Variants in PTPRN2 observed in about 807,000 individuals in gnomAD.
PTPRN2 encodes receptor-type tyrosine-protein phosphatase N2.
Under a neutral mutation model 118.8 loss-of-function variants are expected in PTPRN2, and 74 were observed. The ratio of observed to expected loss-of-function variants is 0.62; its 90% CI spans 0.52 to 0.76. The LOEUF (loss-of-function observed/expected upper bound fraction) is 0.76. Among genes scored for constraint, PTPRN2 ranks in the 30% least tolerant of loss-of-function variants. The pLI, the probability that PTPRN2 is intolerant of heterozygous loss-of-function variation, is 0.00. For synonymous variants in PTPRN2, 641 were observed against 608.0 expected, an observed-to-expected ratio of 1.05 and a Z score of -0.80; for missense variants, 1,481 against 1,394.4, an observed-to-expected ratio of 1.06 and a Z score of -0.99.
At chr7:158,162,390 GT>G (rs1227262202) in intron 6 of PTPRN2, among the ~76,000 whole-genome samples, 1 of 152,184 alleles carries the variant, frequency 6.6e-6, no homozygotes, top group African/African-American at 2.4e-5. Flanking sequence ...ACAATGGAGT[GT>G]TATGGATTAT....
rs369612652 is a variant in PTPRN2, at chr7:157,710,040, C to T, written c.1789-27103G>A. Among the ~76,000 whole-genome samples, 14 of 152,210 alleles carry T rather than the reference C, an allele frequency of 9.2e-5. No individual in the cohort carries two copies. In the East Asian group the frequency reaches 1.5e-3, roughly 17 times the overall value. The stretch of plus-strand genomic sequence containing the variant: ...CCCAGGTGGCTCTGTGGGGGTCGGA[C>T]GCATGGGTGTGTCCCCACCACCCAC... On this transcript the variant is annotated intron_variant, in intron 12 of 22. Transcript: ENST00000389418.
chr7:158,454,598 A>C (rs1274305275), intron 2 of PTPRN2, among the ~76,000 whole-genome samples: 2 of 151,896 alleles, frequency 1.3e-5, no homozygotes, highest in Non-Finnish European at 2.9e-5. Flanking sequence ...TACAGAGGAC[A>C]GACAAGACAC....
intron 2 of PTPRN2, among the ~76,000 whole-genome samples, chr7:158,327,528 CAT>C (rs1006701782): frequency 9.2e-5 from 14 of 151,952 alleles, no homozygotes; most frequent in Non-Finnish European, 1.5e-4. Flanking sequence ...TTCTCACACA[CAT>C]GCACATGTAC....
At position 158,352,318 on chromosome 7, in the gene PTPRN2, G is replaced by C. The variant is rs1170695138; in HGVS notation, c.164-35386C>G. 1.6e-4 allele frequency among the ~76,000 whole-genome samples: 17 copies of C among 106,624 alleles called. 1 individual carries two copies. Among genetic ancestry groups the C allele is most frequent in the Non-Finnish European group, 2.5e-4 (13 of 51,662 alleles). The allele number at this position is 106,624 out of a possible 152,430, so 69.9% of individuals were successfully genotyped here. ...TCCCCTCTTGACTGCTCCCCTCCCTGCCAGCTACCCTCCTGACCGCTCCCC... is the reference window on the plus strand; with the variant it reads ...TCCCCTCTTGACTGCTCCCCTCCCTCCCAGCTACCCTCCTGACCGCTCCCC... On this transcript the variant is annotated intron_variant, in intron 2 of 22. Coordinates refer to ENST00000389418, the MANE Select transcript of PTPRN2 (RefSeq NM_002847.5).
rs542154675 is a variant in PTPRN2 at position 158,093,081 on chromosome 7, C to T, written c.1644-11704G>A. 1.3e-5 allele frequency among the ~76,000 whole-genome samples: 2 copies of T among 152,338 alleles called. No homozygotes were observed. Among genetic ancestry groups the T allele is most frequent in the East Asian group, 1.9e-4 (1 of 5,190 alleles). ...GGCGTTCTTGGCTGAGAGCCTTCTG[C>T]GAGGCACGAGTATAAGTGTGAGACC... On this transcript the variant is annotated intron_variant, in intron 10 of 22. Coordinates refer to ENST00000389418, the MANE Select transcript of PTPRN2 (RefSeq NM_002847.5). The surrounding 1 kb of genome is among the most constrained non-coding windows in gnomAD (Gnocchi z 4.4).
chr7:157,960,561 A>C (rs761735988), intron 11 of PTPRN2, among the ~76,000 whole-genome samples: 1 of 152,260 alleles, frequency 6.6e-6, no homozygotes, highest in African/African-American at 2.4e-5. Flanking sequence ...TAAACATTAG[A>C]TATAGAAATA....
At chr7:157,789,285 C>T (rs940703406) in intron 12 of PTPRN2, among the ~76,000 whole-genome samples, 2 of 152,336 alleles carry the variant, frequency 1.3e-5, no homozygotes, top group South Asian at 2.1e-4. Flanking sequence ...AGAAGCTCCC[C>T]GCCCGGTGCC....
At chr7:157,970,636 A>ACC (rs10624378) in intron 11 of PTPRN2, among the ~76,000 whole-genome samples, 45,923 of 110,364 alleles carry the variant, frequency 0.42, 10,516 homozygotes, top group South Asian at 0.46. Flanking sequence ...CTCAGAGCGG[A>ACC]CCCCCCCCCC....
In PTPRN2 at chr7:158,526,094, C is replaced by T. The variant is rs1462906879; in HGVS notation, c.113-36309G>A. On this transcript the variant is annotated intron_variant, in intron 1 of 22. Transcript: ENST00000389418. This position sits in a 1 kb window ranked among gnomAD's most constrained non-coding sequence, Gnocchi z 5.2. ...CTGTGTGGGAAGGGGGACTATCTGC[C>T]CAGTCCCTGAGGAGATGATGACTTC... Among the ~76,000 whole-genome samples, 1 of 152,182 alleles carries T rather than the reference C, an allele frequency of 6.6e-6. No homozygotes were observed. The highest frequency in any genetic ancestry group is 1.5e-5 in the Non-Finnish European group (1 of 68,024).
At chr7:158,362,364 GA>G (rs1360211989) in intron 2 of PTPRN2, among the ~76,000 whole-genome samples, 1 of 149,310 alleles carries the variant, frequency 6.7e-6, no homozygotes, top group Admixed American at 6.7e-5. Context: ...AGCACAGGAA[GA>G]AAAAAATGTC....
chr7:157,840,181 C>T (rs1001100039), intron 12 of PTPRN2, among the ~76,000 whole-genome samples: 8 of 134,606 alleles, frequency 5.9e-5, no homozygotes, highest in African/African-American at 2.3e-4. Context: ...GACTGTGTGA[C>T]CGTGTGTGAC....
At chr7:157,722,917 C>T (rs1799324877) in intron 12 of PTPRN2, among the ~76,000 whole-genome samples, 1 of 152,132 alleles carries the variant, frequency 6.6e-6, no homozygotes, top group African/African-American at 2.4e-5. Flanking sequence ...CTGTTCCTGG[C>T]ACCTGGTAGG....
In PTPRN2 at chr7:158,070,893, C is replaced by T. The variant is rs1264610348; in HGVS notation, c.1723+10405G>A. Among the ~76,000 whole-genome samples, 4 of 118,504 alleles carry T rather than the reference C, an allele frequency of 3.4e-5. No individual in the cohort carries two copies. In the Admixed American group the frequency reaches 3.5e-4, roughly 10 times the overall value. 77.7% of individuals were successfully genotyped at this position (118,504 alleles called of 152,430 possible). On this transcript the variant is annotated intron_variant, in intron 11 of 22. Transcript: ENST00000389418. ...GGTGGTGCCCATGGTGGTGGAGGTG[C>T]CCATGGTAGTGGAGGTGCCCATGGT...
intron 1 of PTPRN2, among the ~76,000 whole-genome samples, chr7:158,569,731 G>GACTT (rs1827882190): frequency 7.0e-6 from 1 of 143,414 alleles, no homozygotes; most frequent in Non-Finnish European, 1.5e-5. Flanking sequence ...CCGCCTGACT[G>GACTT]ACAGGAACGC....
At chr7:157,575,874 C>T (rs572367257) in intron 19 of PTPRN2, among the ~76,000 whole-genome samples, 5 of 152,284 alleles carry the variant, frequency 3.3e-5, no homozygotes, top group East Asian at 1.9e-4. Flanking sequence ...TTTAGAGCTT[C>T]GTCACTGATG....
intron 5 of PTPRN2, among the ~76,000 whole-genome samples, chr7:158,186,672 G>A (rs981212571): frequency 1.3e-5 from 2 of 150,472 alleles, no homozygotes; most frequent in African/African-American, 4.9e-5. Context: ...GCGCGCCTGG[G>A]CCTACCTGCC....
chr7:158,045,125 A>G (rs1054698633), intron 11 of PTPRN2, among the ~76,000 whole-genome samples: 10 of 152,192 alleles, frequency 6.6e-5, no homozygotes, highest in Non-Finnish European at 1.2e-4. Flanking sequence ...ATTGATGCTG[A>G]AACCACCCAA....
chr7:157,812,041 G>A (rs1432782713), intron 12 of PTPRN2, among the ~76,000 whole-genome samples: 1 of 152,166 alleles, frequency 6.6e-6, no homozygotes, highest in Non-Finnish European at 1.5e-5. Flanking sequence ...GAAATGAGGA[G>A]GTTCAGGGCA....
At chr7:158,323,713 T>G (rs1386260822) in intron 2 of PTPRN2, among the ~76,000 whole-genome samples, 1 of 152,110 alleles carries the variant, frequency 6.6e-6, no homozygotes, top group Non-Finnish European at 1.5e-5. Context: ...GTAATTTCAT[T>G]CGCAAGCGTC....
Sources: allele counts gnomAD v4.1 joint callset (sites outside exome capture counted in the v4.1 genomes callset), GRCh38; gene constraint gnomAD v4.1.1; non-coding constraint Gnocchi (gnomAD v3.1); transcripts MANE v1.5; gene names NCBI Gene and HGNC (gene_info 2026-07-23, HGNC 2026-07-21).